Variants in NAALADL2 observed in about 807,000 individuals in gnomAD.
NAALADL2 encodes the protein N-acetylated alpha-linked acidic dipeptidase like 2.
A neutral mutation model predicts 87.2 loss-of-function variants in NAALADL2; 76 were observed. The ratio of observed to expected loss-of-function variants is 0.87; its 90% CI spans 0.72 to 1.05. NAALADL2 has a LOEUF of 1.05. Ranked by LOEUF, NAALADL2 falls within the 50% of genes least tolerant of loss-of-function variation. The pLI is 0.00. For synonymous variants in NAALADL2, 354 were observed against 331.0 expected, an observed-to-expected ratio of 1.07 and a Z score of -0.75; for missense variants, 1,089 against 945.8, an observed-to-expected ratio of 1.15 and a Z score of -1.99.
chr3:174,682,316 G>A (rs1727621623), intron 2 of NAALADL2, among the ~76,000 whole-genome samples: 1 of 152,182 alleles, frequency 6.6e-6, no homozygotes, highest in African/African-American at 2.4e-5. Context: ...CATTCATGTA[G>A]GCTATGGGAA....
At chr3:175,506,448 T>A (rs747081489) in intron 9 of NAALADL2, among the ~76,000 whole-genome samples, 1 of 151,778 alleles carries the variant, frequency 6.6e-6, no homozygotes, top group Non-Finnish European at 1.5e-5. Context: ...AAATGTTTAA[T>A]CTAATAATTT....
At chr3:175,706,473 ATC>A (rs749098790) in intron 11 of NAALADL2, among the ~76,000 whole-genome samples, 2 of 152,156 alleles carry the variant, frequency 1.3e-5, no homozygotes, top group Non-Finnish European at 2.9e-5. Context: ...TGTGAACATA[ATC>A]TCTGTCTTTC....
chr3:175,322,942 G>T (rs931346883), intron 4 of NAALADL2, among the ~76,000 whole-genome samples: 2 of 151,660 alleles, frequency 1.3e-5, no homozygotes, highest in African/African-American at 4.9e-5. Context: ...ATTCCTCGGG[G>T]ATCTAGAACT....
chr3:175,008,364 G>A (rs9832206), intron 1 of NAALADL2, among the ~76,000 whole-genome samples: 31,202 of 152,066 alleles, frequency 0.21, 4,213 homozygotes, highest in African/African-American at 0.38. Context: ...CTGGGTGGCC[G>A]AGTGAGACCT....
At chr3:174,707,775 C>A (rs1351478282) in intron 2 of NAALADL2, among the ~76,000 whole-genome samples, 1 of 151,248 alleles carries the variant, frequency 6.6e-6, no homozygotes, top group East Asian at 1.9e-4. Context: ...GCACATGTAC[C>A]CTAGAACTTA....
chr3:174,691,250 A>C lies in NAALADL2; in HGVS notation c.-114-46391A>C, dbSNP rs139593143. On this transcript the variant is annotated intron_variant, in intron 2 of 3. Transcript: ENST00000434257. The stretch of plus-strand genomic sequence containing the variant: ...AACATGGCAAAACCCCATTTCTACT[A>C]AAAATACAAAAATTAGCCAGGTGTG... Among the ~76,000 whole-genome samples the C allele has an allele frequency of 3.1e-3, 478 of 152,096 alleles. 1 individual carries two copies. The highest frequency in any genetic ancestry group is 0.011 in the African/African-American group (462 of 41,492).
chr3:174,574,124 A>T (rs1238582870), intron 2 of NAALADL2, among the ~76,000 whole-genome samples: 11 of 152,230 alleles, frequency 7.2e-5, no homozygotes, highest in Non-Finnish European at 4.4e-5. Context: ...AGTTTCTGCT[A>T]TATAACTTCT....
chr3:175,357,988 G>T (rs1157933192), intron 5 of NAALADL2, among the ~76,000 whole-genome samples: 2 of 152,126 alleles, frequency 1.3e-5, no homozygotes, highest in African/African-American at 2.4e-5. Context: ...AACTGGCCCT[G>T]GGGGGCAGCA....
At chr3:174,669,099 A>G (rs1490077620) in intron 2 of NAALADL2, among the ~76,000 whole-genome samples, 2 of 152,136 alleles carry the variant, frequency 1.3e-5, no homozygotes, top group African/African-American at 4.8e-5. Flanking sequence ...CTGACTTTGT[A>G]ATGATTGCCA....
At chr3:174,609,737 G>A (rs1004455399) in intron 2 of NAALADL2, among the ~76,000 whole-genome samples, 1 of 152,102 alleles carries the variant, frequency 6.6e-6, no homozygotes, top group African/African-American at 2.4e-5. Context: ...TGGCCATACT[G>A]CCCAAGGTAA....
In NAALADL2 at chr3:175,493,203, T is replaced by A. The variant is rs147852063; in HGVS notation, c.1653+21445T>A. 7.2e-3 allele frequency among the ~76,000 whole-genome samples: 1,100 copies of A among 152,248 alleles called. 8 individuals carry two copies. The highest frequency in any genetic ancestry group is 0.012 in the Admixed American group (177 of 15,276). The stretch of plus-strand genomic sequence containing the variant: ...GTTTTCTTCTTATTTCACACTTTCC[T>A]CTATTTTCTGAATTTGATAGTAAGC... On this transcript the variant is annotated intron_variant, in intron 9 of 13. Transcript: ENST00000454872.
In NAALADL2 at chr3:175,434,394, T is replaced by C. The variant is rs865910604; in HGVS notation, c.1091-12835T>C. On this transcript the variant is annotated intron_variant, in intron 5 of 13. Coordinates refer to ENST00000454872, the MANE Select transcript of NAALADL2 (RefSeq NM_207015.3). ...GGCCAGTCTTCTTTTCTTGTGTCAA[T>C]ATTTCCACGTCAAAAACAGGAAACT... Among the ~76,000 whole-genome samples, 30 of 152,168 alleles carry C rather than the reference T, an allele frequency of 2.0e-4. No individual in the cohort carries two copies. The South Asian group carries it at 2.3e-3, about 12-fold the overall frequency.
chr3:175,747,446 T>C (rs1022612075), intron 12 of NAALADL2, among the ~76,000 whole-genome samples: 5 of 152,172 alleles, frequency 3.3e-5, no homozygotes, highest in African/African-American at 1.2e-4. Flanking sequence ...TTTTTTTCCC[T>C]AAGGTGTATT....
rs559341428 is a variant in NAALADL2 at position 175,415,471 on chromosome 3, A to G, written c.1091-31758A>G. Reference sequence around the variant, plus strand: ...AGTTATTTTACTCTGTTACATTGCTAACAGGGTAAAACAGGTTAACCATAA... The same window carrying G: ...AGTTATTTTACTCTGTTACATTGCTGACAGGGTAAAACAGGTTAACCATAA... On this transcript the variant is annotated intron_variant, in intron 5 of 13. Coordinates refer to ENST00000454872, the MANE Select transcript of NAALADL2 (RefSeq NM_207015.3). Among the ~76,000 whole-genome samples the G allele has an allele frequency of 1.4e-4, 22 of 152,252 alleles. No homozygotes were observed. The East Asian group carries it at 3.1e-3, about 21-fold the overall frequency.
chr3:175,234,339 G>C (rs1745472237), intron 3 of NAALADL2, 135 bp downstream of exon 3: 2 of 920,888 alleles, frequency 2.2e-6, no homozygotes, highest in Non-Finnish European at 3.2e-6. Flanking sequence ...GGAAGTGCCA[G>C]GAAAGAGAAG....
intron 4 of NAALADL2, among the ~76,000 whole-genome samples, chr3:175,288,287 G>A (rs1291814857): frequency 1.3e-5 from 2 of 152,056 alleles, no homozygotes; most frequent in Non-Finnish European, 2.9e-5. Context: ...TTCTATTCAG[G>A]CCTTCAATTG....
intron 1 of NAALADL2, among the ~76,000 whole-genome samples, chr3:174,891,689 T>C (rs570065260): frequency 2.8e-4 from 43 of 152,266 alleles, no homozygotes; most frequent in African/African-American, 9.9e-4. Flanking sequence ...TCCAAAGTGC[T>C]CTTGGTCTCT....
intron 1 of NAALADL2, among the ~76,000 whole-genome samples, chr3:174,954,332 A>G (rs1053925514): frequency 1.3e-5 from 2 of 152,134 alleles, no homozygotes; most frequent in Non-Finnish European, 2.9e-5. Context: ...GCTCCATTAA[A>G]GGTTAAATTT....
intron 2 of NAALADL2, among the ~76,000 whole-genome samples, chr3:175,199,622 G>A (rs1205416482): frequency 3.3e-5 from 5 of 151,032 alleles, no homozygotes; most frequent in African/African-American, 1.2e-4. Flanking sequence ...AGTGCACTAA[G>A]GGCTATGGTG....
Sources: gnomAD v4.1 joint callset for allele counts (sites outside exome capture counted in the v4.1 genomes callset) on GRCh38, gnomAD v4.1.1 for gene constraint, MANE v1.5 for transcripts, NCBI Gene and HGNC (gene_info 2026-07-23, HGNC 2026-07-21) for gene names.